The following RAP1GAP2 variants were observed in gnomAD, a reference collection of about 807,000 sequenced individuals.
RAP1GAP2 encodes the protein rap1 GTPase-activating protein 2.
In RAP1GAP2, 27 loss-of-function variants were observed where a neutral mutation model predicts 95.0. The ratio of observed to expected loss-of-function variants is 0.28; its 90% CI spans 0.21 to 0.39. The LOEUF is 0.39. RAP1GAP2 is among the 10% of genes least tolerant of loss of function. The pLI is 1.00. For synonymous variants in RAP1GAP2, 373 were observed against 380.9 expected (o/e 0.98, Z 0.24); for missense variants, 771 against 970.0 (o/e 0.79, Z 2.72).
chr17:2,939,392 C>T (rs1255354174), intron 3 of RAP1GAP2, among the ~76,000 whole-genome samples: 1 of 152,256 alleles, frequency 6.6e-6, no homozygotes, highest in African/African-American at 2.4e-5. Context: ...GCCCGGCGCA[C>T]TTACTCTTTT....
At chr17:2,803,212 C>T (rs1346492710) in intron 2 of RAP1GAP2, among the ~76,000 whole-genome samples, 1 of 152,116 alleles carries the variant, frequency 6.6e-6, no homozygotes, top group Admixed American at 6.6e-5. Context: ...AGATTGGGAC[C>T]CCAGTGAGGT....
chr17:2,962,753 G>A (rs764046110), intron 5 of RAP1GAP2, 39 bp downstream of exon 5: 17 of 1,556,580 alleles, frequency 1.1e-5, no homozygotes, highest in Non-Finnish European at 1.5e-5. Flanking sequence ...GACGGCCCTG[G>A]TGAGGGGCTA....
At position 2,892,270 on chromosome 17, in the gene RAP1GAP2, C is replaced by T. The variant is rs371720370; in HGVS notation, c.81-13014C>T. 4.8e-4 allele frequency among the ~76,000 whole-genome samples: 73 copies of T among 152,200 alleles called. No individual in the cohort carries two copies. In the East Asian group the frequency reaches 0.014, roughly 28 times the overall value. On this transcript the variant is annotated intron_variant, in intron 2 of 24. Coordinates refer to ENST00000254695, the MANE Select transcript of RAP1GAP2 (RefSeq NM_015085.5). Reference sequence around the variant, plus strand: ...TTTACTGTGCTGTGTACTTGGTGGACCCAGAGACTCAGGACCTTCAGTTCT... The same window carrying T: ...TTTACTGTGCTGTGTACTTGGTGGATCCAGAGACTCAGGACCTTCAGTTCT...
chr17:2,982,469 A>G (rs1431612322), intron 10 of RAP1GAP2, among the ~76,000 whole-genome samples: 3 of 152,196 alleles, frequency 2.0e-5, no homozygotes, highest in Non-Finnish European at 4.4e-5. Context: ...AGGATTGGGC[A>G]TGCCACTCTC....
At position 3,005,428 on chromosome 17, in the gene RAP1GAP2, C is replaced by T. The variant is rs202208175; in HGVS notation, c.1260C>T (p.Pro420=). The part of the protein sequence containing the change: ...PTFGPPLPSP[P]VFQKGPEFRE... ...TTGGTCCACCTCTGCCCAGTCCCCC[C>T]GTTTTCCAGAAGGTAGGACACTCTT... Residue 420 remains proline, a synonymous_variant, in exon 15 of 25, where the codon CCC becomes CCT. Transcript: ENST00000254695. This position sits in a 1 kb window ranked among gnomAD's most constrained non-coding sequence, Gnocchi z 5.2. The T allele has an allele frequency of 1.5e-5, 25 of 1,613,298 alleles. No homozygotes were observed. The highest frequency in any genetic ancestry group is 9.9e-5 in the South Asian group (9 of 91,078).
At chr17:2,910,134 G>A (rs1428074745) in intron 3 of RAP1GAP2, among the ~76,000 whole-genome samples, 2 of 152,200 alleles carry the variant, frequency 1.3e-5, no homozygotes, top group Non-Finnish European at 2.9e-5. Flanking sequence ...CAGGCTGTCC[G>A]ATTCTTTCCT....
chr17:2,774,816 CTTT>C (rs370177422), upstream of RAP1GAP2, among the ~76,000 whole-genome samples: 3,150 of 130,348 alleles, frequency 0.024, 106 homozygotes, highest in African/African-American at 0.085. Flanking sequence ...CCCTGCTATC[CTTT>C]TTTTTTTTTT....
chr17:2,947,951 C>T (rs2043768065), intron 3 of RAP1GAP2, among the ~76,000 whole-genome samples: 1 of 152,074 alleles, frequency 6.6e-6, no homozygotes, highest in South Asian at 2.1e-4. Context: ...TTTCCTGGGA[C>T]CCACGTAGGT....
intron 14 of RAP1GAP2, among the ~76,000 whole-genome samples, chr17:3,001,519 CG>C (rs2046158564): frequency 1.1e-5 from 1 of 90,642 alleles, no homozygotes; most frequent in African/African-American, 5.1e-5. Context: ...TTCCTGATGC[CG>C]GAGAAGGGAC....
At chr17:2,782,842 C>G (rs1161108800) in intron 1 of RAP1GAP2, among the ~76,000 whole-genome samples, 1 of 152,050 alleles carries the variant, frequency 6.6e-6, no homozygotes, top group Non-Finnish European at 1.5e-5. Context: ...ATGGTGAAAC[C>G]CCGTCTCTAC....
intron 2 of RAP1GAP2, among the ~76,000 whole-genome samples, chr17:2,822,350 C>T (rs745773358): frequency 3.3e-5 from 5 of 152,194 alleles, no homozygotes; most frequent in African/African-American, 4.8e-5. Context: ...GGCTGGGCGC[C>T]GTGGTTCACG....
intron 8 of RAP1GAP2, among the ~76,000 whole-genome samples, chr17:2,969,565 A>T (rs1033294422): frequency 7.7e-6 from 1 of 130,080 alleles, no homozygotes; most frequent in Non-Finnish European, 1.5e-5. Context: ...GCAGTGGTGC[A>T]ATCTTGGTTT....
chr17:2,910,362 G>A (rs2042332692), intron 3 of RAP1GAP2, among the ~76,000 whole-genome samples: 2 of 152,146 alleles, frequency 1.3e-5, no homozygotes, highest in African/African-American at 4.8e-5. Context: ...CCTGTCCTAG[G>A]GTGAGGCCAG....
At chr17:2,859,271 C>G (rs112841867) in intron 2 of RAP1GAP2, among the ~76,000 whole-genome samples, 1 of 151,738 alleles carries the variant, frequency 6.6e-6, no homozygotes, top group Non-Finnish European at 1.5e-5. Context: ...TCACTACGGC[C>G]GGCTAATTTT....
chr17:2,890,616 G>A (rs987023790), intron 2 of RAP1GAP2, among the ~76,000 whole-genome samples: 2 of 151,888 alleles, frequency 1.3e-5, no homozygotes, highest in Admixed American at 1.3e-4. Flanking sequence ...CAACACATGG[G>A]ACCCCTTATT....
intron 3 of RAP1GAP2, among the ~76,000 whole-genome samples, chr17:2,938,946 A>G (rs1314610437): frequency 6.6e-6 from 1 of 152,122 alleles, no homozygotes; most frequent in Non-Finnish European, 1.5e-5. Flanking sequence ...AGATCATCCC[A>G]TTGCATTCCA....
rs1182049825 is a variant in RAP1GAP2, at chr17:2,820,179, GT to G, written c.80+19632del. On this transcript the variant is annotated intron_variant, in intron 2 of 24. Coordinates refer to ENST00000254695, the MANE Select transcript of RAP1GAP2 (RefSeq NM_015085.5). ...TCCCCTCTTGCTGGACACCTAGGTC[GT>G]TTCCATTTTCTGATATTGCAAGCAA... is the stretch of plus-strand genomic sequence containing the variant. 2.0e-5 allele frequency among the ~76,000 whole-genome samples: 3 copies of G among 152,024 alleles called. No individual in the cohort carries two copies. The South Asian group carries it at 6.2e-4, about 31-fold the overall frequency.
intron 8 of RAP1GAP2, among the ~76,000 whole-genome samples, chr17:2,975,896 T>G (rs950926468): frequency 2.6e-5 from 4 of 152,262 alleles, no homozygotes; most frequent in African/African-American, 9.6e-5. Context: ...TGTTTGCTTT[T>G]GAATTTGTTC....
chr17:2,899,297 C>T (rs867765061), intron 2 of RAP1GAP2, among the ~76,000 whole-genome samples: 55 of 152,216 alleles, frequency 3.6e-4, no homozygotes, highest in Middle Eastern at 3.4e-3. Context: ...CTCCGCCTTC[C>T]GGGAGCTTCC....
Sources: allele counts gnomAD v4.1 joint callset (sites outside exome capture counted in the v4.1 genomes callset), GRCh38; gene constraint gnomAD v4.1.1; non-coding constraint Gnocchi (gnomAD v3.1); transcripts MANE v1.5; gene names NCBI Gene and HGNC (gene_info 2026-07-23, HGNC 2026-07-21).